Variants in WDR91 observed in about 807,000 individuals in gnomAD.
The protein encoded by WDR91 is WD repeat-containing protein 91.
A neutral mutation model predicts 88.4 loss-of-function variants in WDR91; 52 were observed. That is an observed-to-expected ratio of 0.59 (90% CI 0.47 to 0.74). The LOEUF (loss-of-function observed/expected upper bound fraction) is 0.74. Ranked by LOEUF, WDR91 falls within the 30% of genes least tolerant of loss-of-function variation. The pLI is 0.00. For missense variants in WDR91, 824 were observed against 954.5 expected, an observed-to-expected ratio of 0.86 and a Z score of 1.80; for synonymous variants, 362 against 389.5, an observed-to-expected ratio of 0.93 and a Z score of 0.83.
intron 11 of WDR91, among the ~76,000 whole-genome samples, chr7:135,189,767 C>T (rs1465316940): frequency 6.6e-6 from 1 of 152,234 alleles, no homozygotes; most frequent in Non-Finnish European, 1.5e-5. Context: ...CAAGCAAATT[C>T]TCATTGAAAA....
At chr7:135,206,138 A>T (rs1831770895) in intron 4 of WDR91, 80 bp from the exon 5 acceptor site, 2 of 1,587,426 alleles carry the variant, frequency 1.3e-6, no homozygotes, top group Admixed American at 1.7e-5. Flanking sequence ...GACACATCGC[A>T]TCCAAGCCCA....
In WDR91 at chr7:135,196,678, G is replaced by A. The variant is rs1319702957; in HGVS notation, c.1051-341C>T. Among the ~76,000 whole-genome samples, 4 of 152,160 alleles carry A rather than the reference G, an allele frequency of 2.6e-5. No homozygotes were observed. The highest frequency in any genetic ancestry group is 4.1e-4 in the South Asian group (2 of 4,834). ...GGATGCGTGGTGCAGGCCACACACC[G>A]CGCTGAGTATTTTACAGATTTCTCT... On this transcript the variant is annotated intron_variant, in intron 7 of 14. Coordinates refer to ENST00000354475, the MANE Select transcript of WDR91 (RefSeq NM_014149.4). This position sits in a 1 kb window ranked among gnomAD's most constrained non-coding sequence, Gnocchi z 4.2.
rs1830913313 is a variant in WDR91, at chr7:135,185,782, A to C, written c.*369T>G. The C allele has an allele frequency of 5.9e-6, 1 of 168,212 alleles. No homozygotes were observed. The highest frequency in any genetic ancestry group is 2.7e-3 in the Middle Eastern group (1 of 376). The allele number at this position is 168,212 out of a possible 1,614,324, so 10.4% of individuals were successfully genotyped here. ...GAAAGAGACATCAGGGGACCACAAG[A>C]GTATTCTCTTTTTTTAAAAAAGAAA... On this transcript the variant is annotated 3_prime_UTR_variant, in exon 15 of 15. Coordinates refer to ENST00000354475, the MANE Select transcript of WDR91 (RefSeq NM_014149.4).
At chr7:135,206,183 G>A in intron 4 of WDR91, 125 bp from the exon 5 acceptor site, 1 of 1,253,402 alleles carries the variant, frequency 8.0e-7, no homozygotes, top group Non-Finnish European at 1.1e-6. Context: ...GCGTCAAGGG[G>A]CCCATCTCAC....
rs776859916 is a variant in WDR91, at chr7:135,197,969, G to C, written c.1050+24C>G. Reference sequence around the variant, plus strand: ...CTCAGTAGCTGCATGAGTGTCCCCAGGGGTGTTCAGGACAACCCCATACCT... The same window carrying C: ...CTCAGTAGCTGCATGAGTGTCCCCACGGGTGTTCAGGACAACCCCATACCT... On this transcript the variant is annotated intron_variant, in intron 7 of 14. Coordinates refer to ENST00000354475, the MANE Select transcript of WDR91 (RefSeq NM_014149.4). The C allele has an allele frequency of 7.5e-6, 12 of 1,610,560 alleles. No individual in the cohort carries two copies. The Admixed American group carries it at 2.0e-4, about 27-fold the overall frequency.
Position 135,198,115 on chromosome 7 carries a change from C to A in WDR91, c.928G>T (p.Asp310Tyr), listed in dbSNP as rs1585421118. ...KGKDPTSGAK[D>Y]GKSLLSGLAT... ...AGCCCGCTGAGGAGGCTCTTCCCATCCTTGGCTCCGGACGTCGGGTCCTTT... is the reference window on the plus strand; with the variant it reads ...AGCCCGCTGAGGAGGCTCTTCCCATACTTGGCTCCGGACGTCGGGTCCTTT... The change falls in exon 7 of 15, where the codon GAT becomes TAT. Residue 310 changes from aspartate to tyrosine, a missense_variant. Transcript: ENST00000354475. 6.2e-7 allele frequency: 1 copy of A among 1,613,748 alleles called. No homozygotes were observed. The highest frequency in any genetic ancestry group is 2.2e-5 in the East Asian group (1 of 44,874).
At chr7:135,207,899 C>A (rs1831860847) in intron 3 of WDR91, among the ~76,000 whole-genome samples, 1 of 152,150 alleles carries the variant, frequency 6.6e-6, no homozygotes, top group South Asian at 2.1e-4. Flanking sequence ...TTCGATTTCA[C>A]TGGAGGGCCC....
At position 135,196,350 on chromosome 7, in the gene WDR91, G is replaced by T. The variant is rs759950252; in HGVS notation, c.1051-13C>A. The stretch of plus-strand genomic sequence containing the variant: ...TCTTCTCTGCACACTGTCACAAGCA[G>T]GGTGGGGACAAGTCAGCCAGGAAAG... On this transcript the variant is annotated splice_polypyrimidine_tract_variant and intron_variant, in intron 7 of 14. Transcript: ENST00000354475. This position sits in a 1 kb window ranked among gnomAD's most constrained non-coding sequence, Gnocchi z 4.2. 6.6e-7 allele frequency: 1 copy of T among 1,512,528 alleles called. No individual in the cohort carries two copies. The highest frequency in any genetic ancestry group is 8.9e-7 in the Non-Finnish European group (1 of 1,128,316). The allele number at this position is 1,512,528 out of a possible 1,614,324, so 93.7% of individuals were successfully genotyped here. A position where few individuals can be genotyped will look rare whatever the true frequency, so the allele number is the denominator to read the frequency against.
At position 135,184,584 on chromosome 7, in the gene WDR91, C is replaced by T. The variant is rs564674479; in HGVS notation, c.*1567G>A. 1 of 152,518 alleles carries T rather than the reference C, an allele frequency of 6.6e-6. No homozygotes were observed. The highest frequency in any genetic ancestry group is 2.1e-4 in the South Asian group (1 of 4,834). 9.4% of individuals were successfully genotyped at this position (152,518 alleles called of 1,614,324 possible). ...CACCTAGTGGGAAGATATGCCTCTT[C>T]AAGGTCCCACCCCAGCCAGGGAGGA... is the stretch of plus-strand genomic sequence containing the variant. On this transcript the variant is annotated 3_prime_UTR_variant, in exon 15 of 15. Coordinates refer to ENST00000354475, the MANE Select transcript of WDR91 (RefSeq NM_014149.4).
chr7:135,207,855 TTTGA>T (rs1474465170), intron 3 of WDR91, among the ~76,000 whole-genome samples: 1 of 152,180 alleles, frequency 6.6e-6, no homozygotes, highest in East Asian at 1.9e-4. Context: ...TGTAAGCTAG[TTTGA>T]GAAGCACTGA....
At position 135,185,635 on chromosome 7, in the gene WDR91, G is replaced by A. The variant is rs1176349420; in HGVS notation, c.*516C>T. 2 of 152,270 alleles carry A rather than the reference G, an allele frequency of 1.3e-5. No homozygotes were observed. 9.4% of individuals were successfully genotyped at this position (152,270 alleles called of 1,614,324 possible). A position where few individuals can be genotyped will look rare whatever the true frequency, so the allele number is the denominator to read the frequency against. On this transcript the variant is annotated 3_prime_UTR_variant, in exon 15 of 15. Transcript: ENST00000354475. Reference sequence around the variant, plus strand: ...CCAAACCTTGTTACCCAGCAGAACAGACAGAGAGCTGACCTGGCTCCATGG... The same window carrying A: ...CCAAACCTTGTTACCCAGCAGAACAAACAGAGAGCTGACCTGGCTCCATGG...
At chr7:135,202,497 T>A (rs143592753) in intron 6 of WDR91, 256 of 152,374 alleles carry the variant, frequency 1.7e-3, no homozygotes, top group African/African-American at 6.0e-3. Context: ...AAGGCATGTT[T>A]TACTGCAAAT....
intron 5 of WDR91, 108 bp from the exon 6 acceptor site, chr7:135,204,541 C>T: frequency 8.0e-7 from 1 of 1,248,174 alleles, no homozygotes; most frequent in Non-Finnish European, 1.1e-6. Flanking sequence ...AGGCCTGGGT[C>T]AGGTCCAAGA....
At chr7:135,208,376 G>C (rs1585441175) in intron 3 of WDR91, among the ~76,000 whole-genome samples, 1 of 152,184 alleles carries the variant, frequency 6.6e-6, no homozygotes, top group African/African-American at 2.4e-5. Context: ...ACAGACAGAA[G>C]TTCCAACCCA....
At position 135,193,782 on chromosome 7, in the gene WDR91, C is replaced by T. The variant is rs1831264317; in HGVS notation, c.1396-110G>A. The T allele has an allele frequency of 4.9e-6, 4 of 823,588 alleles. No individual in the cohort carries two copies. The Admixed American group carries it at 8.4e-5, about 17-fold the overall frequency. The allele number at this position is 823,588 out of a possible 1,614,324, so 51.0% of individuals were successfully genotyped here. On this transcript the variant is annotated intron_variant, in intron 9 of 14. Transcript: ENST00000354475. Reference sequence around the variant, plus strand: ...GCAGGCTGTGGGGGTGAGGCCCCTCCTCTACGCATCCAGGCAGTTCAGGGG... The same window carrying T: ...GCAGGCTGTGGGGGTGAGGCCCCTCTTCTACGCATCCAGGCAGTTCAGGGG...
At chr7:135,197,968 A>C (rs1380426645) in intron 7 of WDR91, 25 bp downstream of exon 7, 2 of 1,610,280 alleles carry the variant, frequency 1.2e-6, no homozygotes, top group Non-Finnish European at 1.7e-6. Context: ...GAGTGTCCCC[A>C]GGGGTGTTCA....
chr7:135,206,299 T>C (rs565642613), intron 4 of WDR91, among the ~76,000 whole-genome samples: 2 of 152,304 alleles, frequency 1.3e-5, no homozygotes, highest in East Asian at 3.9e-4. Flanking sequence ...TTTTAATCAT[T>C]TGACTTGCTT....
intron 11 of WDR91, 56 bp from the exon 12 acceptor site, chr7:135,189,508 T>A: frequency 1.4e-6 from 2 of 1,458,108 alleles, no homozygotes; most frequent in Non-Finnish European, 1.9e-6. Context: ...CCAGGCACGC[T>A]GCTTATTCCA....
At chr7:135,190,865 T>C (rs1831138407) in intron 11 of WDR91, among the ~76,000 whole-genome samples, 2 of 152,132 alleles carry the variant, frequency 1.3e-5, no homozygotes. Context: ...CTAACACATA[T>C]GGAATGGGAG....
Sources: allele counts gnomAD v4.1 joint callset (sites outside exome capture counted in the v4.1 genomes callset), GRCh38; gene constraint gnomAD v4.1.1; non-coding constraint Gnocchi (gnomAD v3.1); transcripts MANE v1.5; gene names NCBI Gene and HGNC (gene_info 2026-07-23, HGNC 2026-07-21).